Variants in SPON1 observed in about 807,000 individuals in gnomAD.
SPON1 encodes spondin-1.
In SPON1, 52 loss-of-function variants were observed where a neutral mutation model predicts 111.7. The ratio of observed to expected loss-of-function variants is 0.47; its 90% CI spans 0.37 to 0.59. The LOEUF is 0.59. Ranked by LOEUF, SPON1 falls within the 20% of genes least tolerant of loss-of-function variation. SPON1 has a pLI of 0.00. For synonymous variants in SPON1, 410 were observed against 395.8 expected, an observed-to-expected ratio of 1.04 and a Z score of -0.43; for missense variants, 957 against 1,068.5, an observed-to-expected ratio of 0.90 and a Z score of 1.46.
intron 2 of SPON1, among the ~76,000 whole-genome samples, chr11:14,026,441 G>T (rs1848518695): frequency 6.6e-6 from 1 of 152,244 alleles, no homozygotes; most frequent in African/African-American, 2.4e-5. Context: ...TGTGCATGAT[G>T]TCTGCCATTG....
intron 6 of SPON1, among the ~76,000 whole-genome samples, chr11:14,234,910 A>C (rs1848845235): frequency 6.6e-6 from 1 of 152,266 alleles, no homozygotes; most frequent in African/African-American, 2.4e-5. Context: ...TTGCTCTAAA[A>C]TAGTTGATCA....
At chr11:14,015,871 C>A (rs534335645) in intron 2 of SPON1, among the ~76,000 whole-genome samples, 1 of 152,306 alleles carries the variant, frequency 6.6e-6, no homozygotes, top group East Asian at 1.9e-4. Context: ...TCACCTTTGA[C>A]TTTACCTGCC....
intron 6 of SPON1, among the ~76,000 whole-genome samples, chr11:14,139,416 AC>A (rs1399531559): frequency 1.3e-5 from 2 of 152,154 alleles, no homozygotes; most frequent in Non-Finnish European, 2.9e-5. Context: ...CATCACACTT[AC>A]ATATTTCTTT....
intron 3 of SPON1, among the ~76,000 whole-genome samples, chr11:14,058,231 G>T (rs1033037764): frequency 5.9e-5 from 9 of 152,182 alleles, no homozygotes; most frequent in African/African-American, 1.9e-4. Context: ...GAGTTGGTTC[G>T]TTCAGTGATC....
intron 1 of SPON1, among the ~76,000 whole-genome samples, chr11:13,976,130 T>A (rs373374336): frequency 6.6e-6 from 1 of 152,222 alleles, no homozygotes; most frequent in South Asian, 2.1e-4. Context: ...AGAGATCACA[T>A]AAGTGGTAGC....
intron 5 of SPON1, among the ~76,000 whole-genome samples, chr11:14,134,534 T>C (rs1190237128): frequency 6.6e-6 from 1 of 152,202 alleles, no homozygotes; most frequent in Non-Finnish European, 1.5e-5. Flanking sequence ...CACTTCCACA[T>C]ATCCAAACTG....
At chr11:13,972,373 T>C (rs1435251854) in intron 1 of SPON1, among the ~76,000 whole-genome samples, 1 of 152,212 alleles carries the variant, frequency 6.6e-6, no homozygotes, top group East Asian at 1.9e-4. Context: ...ACATAAAATT[T>C]GACATGGTTT....
chr11:14,254,406 G>A, intron 7 of SPON1, 122 bp from the exon 8 acceptor site: 1 of 887,196 alleles, frequency 1.1e-6, no homozygotes, highest in Non-Finnish European at 1.7e-6. Context: ...AGAATTCAGT[G>A]GGAGACCACG....
chr11:14,235,699 AAAAAAAAAGT>A (rs1389065187), intron 6 of SPON1, among the ~76,000 whole-genome samples: 17 of 151,254 alleles, frequency 1.1e-4, no homozygotes, highest in African/African-American at 4.1e-4. Flanking sequence ...AAAAAAAAAA[AAAAAAAAAGT>A]AAGCAAAATG....
intron 6 of SPON1, among the ~76,000 whole-genome samples, chr11:14,237,634 C>CTG (rs1554939317): frequency 1.3e-5 from 2 of 152,224 alleles, no homozygotes; most frequent in African/African-American, 4.8e-5. Context: ...GGAATGCACA[C>CTG]TGTGTGTGTG....
chr11:14,175,329 A>G (rs1183946043), intron 6 of SPON1, among the ~76,000 whole-genome samples: 1 of 152,210 alleles, frequency 6.6e-6, no homozygotes, highest in Non-Finnish European at 1.5e-5. Context: ...AAAAGAAAGT[A>G]TTCCCACATG....
At chr11:14,056,621 C>T (rs1379011491) in intron 3 of SPON1, among the ~76,000 whole-genome samples, 5 of 152,056 alleles carry the variant, frequency 3.3e-5, no homozygotes, top group African/African-American at 1.2e-4. Context: ...CGGCTGGGCA[C>T]GGTGGCTCAT....
At chr11:14,197,415 CATCTGGGGGGCAAATCTAGAATCCATG>C (rs1848413800) in intron 6 of SPON1, among the ~76,000 whole-genome samples, 2 of 151,862 alleles carry the variant, frequency 1.3e-5, no homozygotes, top group African/African-American at 4.8e-5. Flanking sequence ...TTGACTGCAG[CATCTGGGGGGCAAATCTAGAATCCATG>C]AAGCTTAAAC....
chr11:14,069,406 G>A (rs1226907507), intron 3 of SPON1, among the ~76,000 whole-genome samples: 2 of 152,116 alleles, frequency 1.3e-5, no homozygotes, highest in Middle Eastern at 3.2e-3. Context: ...CCTACCATGT[G>A]TCTCATAGAG....
rs190545727 is a variant in SPON1, at chr11:13,996,227, C to T, written c.345+13274C>T. On this transcript the variant is annotated intron_variant, in intron 2 of 15. Transcript: ENST00000576479. ...ATGACATTCTGTCCCTTCCCCTTCC[C>T]TTGAGGAGCTCACTTGGTGTAAAAT... Among the ~76,000 whole-genome samples the T allele has an allele frequency of 5.1e-3, 777 of 152,228 alleles. 1 individual carries two copies. The highest frequency in any genetic ancestry group is 8.9e-3 in the Non-Finnish European group (608 of 68,028).
intron 6 of SPON1, among the ~76,000 whole-genome samples, chr11:14,157,805 TC>T (rs1327685775): frequency 6.6e-6 from 1 of 152,276 alleles, no homozygotes; most frequent in African/African-American, 2.4e-5. Flanking sequence ...TTAAACTTGT[TC>T]TTAATTCTAG....
chr11:14,213,609 A>G (rs1197868781), intron 6 of SPON1, among the ~76,000 whole-genome samples: 4 of 152,200 alleles, frequency 2.6e-5, no homozygotes, highest in Non-Finnish European at 5.9e-5. Context: ...AGCACTTTCT[A>G]TGTACAAAGC....
At chr11:14,114,506 A>G (rs990262707) in intron 5 of SPON1, among the ~76,000 whole-genome samples, 1 of 152,096 alleles carries the variant, frequency 6.6e-6, no homozygotes, top group African/African-American at 2.4e-5. Context: ...TCTGCAAATC[A>G]TACTCTTGGC....
chr11:14,226,671 A>T (rs1259747945), intron 6 of SPON1, among the ~76,000 whole-genome samples: 7 of 152,356 alleles, frequency 4.6e-5, no homozygotes, highest in Admixed American at 4.6e-4. Context: ...CTCACTAATC[A>T]AAAAGGCAAG....
Sources: gnomAD v4.1 joint callset for allele counts (sites outside exome capture counted in the v4.1 genomes callset) on GRCh38, gnomAD v4.1.1 for gene constraint, MANE v1.5 for transcripts, NCBI Gene and HGNC (gene_info 2026-07-23, HGNC 2026-07-21) for gene names.